The following ADARB2 variants were observed in gnomAD, a reference collection of about 807,000 sequenced individuals.
The protein encoded by ADARB2 is inactive double-stranded RNA-specific editase B2.
ADARB2 carries 25 observed loss-of-function variants against 62.2 expected under a neutral mutation model. The observed-to-expected ratio is 0.40, with a 90% CI of 0.29 to 0.56. ADARB2 has a LOEUF of 0.56. ADARB2 is among the 20% of genes least tolerant of loss of function. ADARB2 has a pLI of 0.43. For synonymous variants in ADARB2, 572 were observed against 500.8 expected (o/e 1.14, Z -1.90); for missense variants, 1,071 against 1,077.4 (o/e 0.99, Z 0.08).
At chr10:1,730,348 G>A (rs942545089) in intron 1 of ADARB2, among the ~76,000 whole-genome samples, 18 of 152,296 alleles carry the variant, frequency 1.2e-4, no homozygotes, top group Admixed American at 1.2e-3. Flanking sequence ...CCCCACTGCT[G>A]GGTTTCTCTT....
At chr10:1,454,875 C>A (rs981478624) in intron 1 of ADARB2, among the ~76,000 whole-genome samples, 1 of 152,050 alleles carries the variant, frequency 6.6e-6, no homozygotes, top group African/African-American at 2.4e-5. Context: ...AAAAGAAGAC[C>A]CTTGCTGAGC....
At chr10:1,286,064 C>T (rs1409955752) in intron 3 of ADARB2, among the ~76,000 whole-genome samples, 7 of 19,882 alleles carry the variant, frequency 3.5e-4, no homozygotes, top group South Asian at 1.4e-3. Context: ...TGTTTCACAG[C>T]GGGGGCGGGT....
chr10:1,510,110 C>CTCTTTCTTTCTTTCTTTCTTTCTTTCT (rs1831909243), intron 1 of ADARB2, among the ~76,000 whole-genome samples: 3 of 106,184 alleles, frequency 2.8e-5, no homozygotes, highest in African/African-American at 1.1e-4. Flanking sequence ...CTTTCTTTCT[C>CTCTTTCTTTCTTTCTTTCTTTCTTTCT]TCTTTCTTTC....
chr10:1,597,840 T>A (rs1448717241), intron 1 of ADARB2, among the ~76,000 whole-genome samples: 1 of 152,204 alleles, frequency 6.6e-6, no homozygotes, highest in Non-Finnish European at 1.5e-5. Flanking sequence ...ATTGCAGCAC[T>A]ACTCATAATA....
chr10:1,515,600 G>T (rs1025640938), intron 1 of ADARB2, among the ~76,000 whole-genome samples: 1 of 152,306 alleles, frequency 6.6e-6, no homozygotes, highest in Admixed American at 6.5e-5. Context: ...GAGTGACCCC[G>T]TTCTTGGAGC....
At chr10:1,277,516 A>C (rs1275292961) in intron 3 of ADARB2, among the ~76,000 whole-genome samples, 2 of 152,222 alleles carry the variant, frequency 1.3e-5, no homozygotes, top group African/African-American at 2.4e-5. Flanking sequence ...GAAATGGATA[A>C]ATTCCTCGAC....
intron 1 of ADARB2, among the ~76,000 whole-genome samples, chr10:1,385,663 A>C (rs1832519176): frequency 6.6e-6 from 1 of 152,180 alleles, no homozygotes; most frequent in Non-Finnish European, 1.5e-5. Flanking sequence ...AAAGCAGTCT[A>C]ACTTATGTAT....
rs1832534953 is a variant in ADARB2 at position 1,387,490 on chromosome 10, C to T, written c.101-8330G>A. Among the ~76,000 whole-genome samples the T allele has an allele frequency of 1.3e-5, 2 of 151,828 alleles. 1 individual carries two copies. Among genetic ancestry groups the T allele is most frequent in the South Asian group, 4.2e-4 (2 of 4,814 alleles). On this transcript the variant is annotated intron_variant, in intron 1 of 9. Coordinates refer to ENST00000381312, the MANE Select transcript of ADARB2 (RefSeq NM_018702.4). ...ATAATGTAAACTATTGTATGCTAGT[C>T]AGTGAAAAACATATTTGCAATGGGA...
At chr10:1,664,654 G>A (rs1262243211) in intron 1 of ADARB2, among the ~76,000 whole-genome samples, 1 of 152,212 alleles carries the variant, frequency 6.6e-6, no homozygotes, top group Non-Finnish European at 1.5e-5. Flanking sequence ...TCTGGTAGGA[G>A]TGCACTAGCC....
At chr10:1,211,184 T>G (rs1589152610) in intron 7 of ADARB2, among the ~76,000 whole-genome samples, 2 of 150,164 alleles carry the variant, frequency 1.3e-5, no homozygotes, top group East Asian at 4.0e-4. Context: ...TATCATCTAA[T>G]TTTCATCTAT....
At chr10:1,450,355 G>A (rs1831021230) in intron 1 of ADARB2, among the ~76,000 whole-genome samples, 1 of 152,250 alleles carries the variant, frequency 6.6e-6, no homozygotes, top group Non-Finnish European at 1.5e-5. Context: ...CTGGAAGGGT[G>A]CTTTTTCTTT....
chr10:1,379,145 A>G lies in ADARB2; in HGVS notation c.116T>C (p.Leu39Ser), dbSNP rs182864478. The G allele has an allele frequency of 2.9e-5, 47 of 1,613,128 alleles. No individual in the cohort carries two copies. The East Asian group carries it at 5.3e-4, about 18-fold the overall frequency. The change falls in exon 2 of 10, where the codon TTG becomes TCG. Residue 39 changes from leucine (L) to serine (S), a missense_variant. By Grantham distance (145) the Leu-to-Ser change is moderately radical. Coordinates refer to ENST00000381312, the MANE Select transcript of ADARB2 (RefSeq NM_018702.4). ...CTTGAAAGGAGCGAGGAAGGTTGAC[A>G]ATATGCTTACTTTATCTGGAAAGAA... ...RSKRKDKVSILSTFLAPFKHL... is the reference protein window; with the variant it reads ...RSKRKDKVSISSTFLAPFKHL...
intron 1 of ADARB2, among the ~76,000 whole-genome samples, chr10:1,436,742 T>C (rs1402876626): frequency 6.6e-6 from 1 of 152,208 alleles, no homozygotes; most frequent in Non-Finnish European, 1.5e-5. Context: ...TTCATTTAAA[T>C]AAAAAAGTCT....
chr10:1,411,061 G>A lies in ADARB2; in HGVS notation c.101-31901C>T, dbSNP rs142801218. ...CGCTCCTCCCTCAGGGCGCCTGCAG[G>A]GAAACTGCATCCTGCTCTCCTCTCT... On this transcript the variant is annotated intron_variant, in intron 1 of 9. Transcript: ENST00000381312. Among the ~76,000 whole-genome samples, 568 of 152,328 alleles carry A rather than the reference G, an allele frequency of 3.7e-3. 1 individual carries two copies. The highest frequency in any genetic ancestry group is 0.013 in the African/African-American group (528 of 41,578).
chr10:1,230,483 C>T (rs577428528), intron 6 of ADARB2, among the ~76,000 whole-genome samples: 13 of 152,318 alleles, frequency 8.5e-5, no homozygotes, highest in African/African-American at 3.1e-4. Flanking sequence ...TGGTCCAACC[C>T]TCTTTAAAGG....
chr10:1,363,556 C>T lies in ADARB2; in HGVS notation c.549G>A (p.Glu183=), dbSNP rs779059890. The change falls in exon 3 of 10, where the codon GAG becomes GAA. Residue 183 remains glutamate, a synonymous_variant. Transcript: ENST00000381312. ...TKKKAKMRAA[E]LALRSFVQFP... ...ACTGCACGAAGGACCTGAGTGCCAGCTCCGCCGCGCGCATCTTGGCCTTCT... is the reference window on the plus strand; with the variant it reads ...ACTGCACGAAGGACCTGAGTGCCAGTTCCGCCGCGCGCATCTTGGCCTTCT... The T allele has an allele frequency of 2.5e-6, 4 of 1,568,660 alleles. No homozygotes were observed. The East Asian group carries it at 9.4e-5, about 37-fold the overall frequency.
intron 3 of ADARB2, among the ~76,000 whole-genome samples, chr10:1,295,520 G>A (rs1466302412): frequency 6.6e-6 from 1 of 152,164 alleles, no homozygotes; most frequent in Non-Finnish European, 1.5e-5. Flanking sequence ...ACAACGGACA[G>A]GGAGGACAAG....
chr10:1,536,006 T>C (rs1490508362), intron 1 of ADARB2, among the ~76,000 whole-genome samples: 1 of 152,054 alleles, frequency 6.6e-6, no homozygotes, highest in African/African-American at 2.4e-5. Flanking sequence ...ATCCTGGCCT[T>C]TTAGGATAGA....
intron 1 of ADARB2, among the ~76,000 whole-genome samples, chr10:1,650,818 CT>C (rs1052803268): frequency 2.6e-5 from 4 of 152,182 alleles, no homozygotes; most frequent in Admixed American, 2.6e-4. Context: ...ACATTTGCCC[CT>C]AGCAGAGGGT....
Sources: gnomAD v4.1 joint callset for allele counts (sites outside exome capture counted in the v4.1 genomes callset) on GRCh38, gnomAD v4.1.1 for gene constraint, MANE v1.5 for transcripts, NCBI Gene and HGNC (gene_info 2026-07-23, HGNC 2026-07-21) for gene names.